The following PRKCA variants were observed in gnomAD, a reference collection of about 807,000 sequenced individuals.
PRKCA encodes the protein protein kinase C alpha, also known as protein kinase C alpha type.
PRKCA carries 27 observed loss-of-function variants against 87.0 expected under a neutral mutation model. The ratio of observed to expected loss-of-function variants is 0.31; its 90% CI spans 0.23 to 0.43. The LOEUF (loss-of-function observed/expected upper bound fraction) is 0.43, where lower values mean the gene tolerates loss of function less well. Among genes scored for constraint, PRKCA ranks in the 20% least tolerant of loss-of-function variants. The pLI is 1.00. For missense variants in PRKCA, 518 were observed against 852.3 expected (o/e 0.61, Z 4.88); for synonymous variants, 329 against 311.1 (o/e 1.06, Z -0.61).
chr17:66,487,583 TG>T (rs1916038842), intron 2 of PRKCA, among the ~76,000 whole-genome samples: 1 of 152,188 alleles, frequency 6.6e-6, no homozygotes, highest in Admixed American at 6.5e-5. Context: ...TTTAGTTGTT[TG>T]GGAGAGTCCA....
chr17:66,775,365 C>T (rs951823086), intron 14 of PRKCA: 5 of 984,882 alleles, frequency 5.1e-6, no homozygotes, highest in Non-Finnish European at 6.0e-6. Context: ...TCTTAGGGGC[C>T]GGCCTAGAAA....
chr17:66,668,676 C>T (rs1225308207), intron 5 of PRKCA, among the ~76,000 whole-genome samples: 1 of 152,064 alleles, frequency 6.6e-6, no homozygotes, highest in Admixed American at 6.5e-5. Context: ...AGAAAACAAA[C>T]CCAAAATATG....
intron 3 of PRKCA, among the ~76,000 whole-genome samples, chr17:66,501,539 T>C (rs774021087): frequency 1.3e-5 from 2 of 152,194 alleles, no homozygotes; most frequent in Non-Finnish European, 2.9e-5. Flanking sequence ...CACCCGGGGC[T>C]CAGGCTTGGA....
At chr17:66,687,612 G>A (rs1972665073) in intron 6 of PRKCA, among the ~76,000 whole-genome samples, 2 of 152,178 alleles carry the variant, frequency 1.3e-5, no homozygotes, top group South Asian at 2.1e-4. Context: ...AGTTAGGGGA[G>A]GGCATAAGGC....
chr17:66,679,042 T>A (rs1972415396), intron 5 of PRKCA, among the ~76,000 whole-genome samples: 1 of 152,126 alleles, frequency 6.6e-6, no homozygotes, highest in Admixed American at 6.5e-5. Flanking sequence ...ATGGTCTTCA[T>A]TGATTCAGTC....
intron 3 of PRKCA, among the ~76,000 whole-genome samples, chr17:66,502,329 G>A (rs1916771486): frequency 6.6e-6 from 1 of 151,772 alleles, no homozygotes; most frequent in African/African-American, 2.4e-5. Context: ...CCACCTCCCG[G>A]ATTCAAGCGA....
intron 2 of PRKCA, among the ~76,000 whole-genome samples, chr17:66,327,921 G>A (rs1906083553): frequency 6.6e-6 from 1 of 152,138 alleles, no homozygotes; most frequent in African/African-American, 2.4e-5. Flanking sequence ...CTCTAGTGAT[G>A]GACCCAGCCA....
rs563616054 is a variant in PRKCA at position 66,736,803 on chromosome 17, C to T, written c.1230+1141C>T. Among the ~76,000 whole-genome samples the T allele has an allele frequency of 3.3e-5, 5 of 152,266 alleles. No homozygotes were observed. The South Asian group carries it at 1.0e-3, about 32-fold the overall frequency. ...GAAAATTAGGTCAAATTTTAAATTT[C>T]AGCATCCATAAACAGCTGTTTTGGG... On this transcript the variant is annotated intron_variant, in intron 10 of 16. Coordinates refer to ENST00000413366, the MANE Select transcript of PRKCA (RefSeq NM_002737.3).
At chr17:66,382,531 C>T (rs949329708) in intron 2 of PRKCA, among the ~76,000 whole-genome samples, 1 of 152,104 alleles carries the variant, frequency 6.6e-6, no homozygotes, top group Non-Finnish European at 1.5e-5. Context: ...GAACTCCTGA[C>T]CTCAAGTGAT....
intron 2 of PRKCA, among the ~76,000 whole-genome samples, chr17:66,315,492 T>C (rs1246023957): frequency 6.6e-6 from 1 of 151,920 alleles, no homozygotes; most frequent in Non-Finnish European, 1.5e-5. Flanking sequence ...TTTTTTTTTT[T>C]TTTCTGAGAC....
chr17:66,533,136 A>T (rs535433926), intron 3 of PRKCA, among the ~76,000 whole-genome samples: 1 of 152,164 alleles, frequency 6.6e-6, no homozygotes, highest in Non-Finnish European at 1.5e-5. Flanking sequence ...TGATTCCTAC[A>T]CTTATTCTCC....
intron 1 of PRKCA, among the ~76,000 whole-genome samples, chr17:66,303,580 C>G (rs1377288192): frequency 2.0e-5 from 3 of 152,006 alleles, no homozygotes; most frequent in Non-Finnish European, 1.5e-5. Context: ...TAGGCTGCAT[C>G]TACTGGGCAC....
intron 2 of PRKCA, among the ~76,000 whole-genome samples, chr17:66,321,585 C>G (rs1164817353): frequency 6.6e-6 from 1 of 152,146 alleles, no homozygotes; most frequent in East Asian, 1.9e-4. Flanking sequence ...GCTCTGTCGT[C>G]TATGCTGGAG....
At chr17:66,772,405 C>T (rs1291094164) in intron 13 of PRKCA, among the ~76,000 whole-genome samples, 1 of 151,772 alleles carries the variant, frequency 6.6e-6, no homozygotes, top group East Asian at 1.9e-4. Context: ...ATCCTACATG[C>T]AGAAATATTA....
At chr17:66,794,594 GT>G (rs79609604) in intron 16 of PRKCA, among the ~76,000 whole-genome samples, 8 of 142,562 alleles carry the variant, frequency 5.6e-5, no homozygotes, top group African/African-American at 1.8e-4. Flanking sequence ...GTGTTATATT[GT>G]TTTTTTTGTT....
intron 2 of PRKCA, among the ~76,000 whole-genome samples, chr17:66,389,132 G>C (rs139159365): frequency 6.6e-6 from 1 of 152,164 alleles, no homozygotes; most frequent in African/African-American, 2.4e-5. Flanking sequence ...TTGCAGCCAC[G>C]AGGTTAACCA....
intron 2 of PRKCA, among the ~76,000 whole-genome samples, chr17:66,436,922 A>G (rs1450969013): frequency 6.6e-6 from 1 of 152,186 alleles, no homozygotes; most frequent in Non-Finnish European, 1.5e-5. Flanking sequence ...TGTACCACTG[A>G]TTAGGCTTGA....
At position 66,806,188 on chromosome 17, in the gene PRKCA, C is replaced by G. The variant is rs1292257917; in HGVS notation, c.*2151C>G. 1 of 152,276 alleles carries G rather than the reference C, an allele frequency of 6.6e-6. No individual in the cohort carries two copies. The highest frequency in any genetic ancestry group is 2.4e-5 in the African/African-American group (1 of 41,466). 9.4% of individuals were successfully genotyped at this position (152,276 alleles called of 1,614,324 possible). On this transcript the variant is annotated 3_prime_UTR_variant, in exon 17 of 17. Coordinates refer to ENST00000413366, the MANE Select transcript of PRKCA (RefSeq NM_002737.3). Reference sequence around the variant, plus strand: ...TGTAGAGAGCCGCTCTGTTTCCTCCCAGAAGCATCTCCCAGCTAAGCTCGC... The same window carrying G: ...TGTAGAGAGCCGCTCTGTTTCCTCCGAGAAGCATCTCCCAGCTAAGCTCGC...
At chr17:66,326,532 C>T (rs1905992748) in intron 2 of PRKCA, among the ~76,000 whole-genome samples, 1 of 152,222 alleles carries the variant, frequency 6.6e-6, no homozygotes, top group Non-Finnish European at 1.5e-5. Flanking sequence ...TAATTCAACT[C>T]TAACACTTTA....
Sources: gnomAD v4.1 joint callset for allele counts (sites outside exome capture counted in the v4.1 genomes callset) on GRCh38, gnomAD v4.1.1 for gene constraint, MANE v1.5 for transcripts, NCBI Gene and HGNC (gene_info 2026-07-23, HGNC 2026-07-21) for gene names.